The following DOCK4 variants were observed in gnomAD, a reference collection of about 807,000 sequenced individuals.
DOCK4 encodes dedicator of cytokinesis 4.
Under a neutral mutation model 268.1 loss-of-function variants are expected in DOCK4, and 97 were observed. The observed-to-expected ratio is 0.36, with a 90% CI of 0.31 to 0.43. The LOEUF (loss-of-function observed/expected upper bound fraction) is 0.43. DOCK4 is among the 20% of genes least tolerant of loss of function. The pLI, the probability that DOCK4 is intolerant of heterozygous loss-of-function variation, is 1.00. For synonymous variants in DOCK4, 954 were observed against 887.2 expected (o/e 1.08, Z -1.34); for missense variants, 2,145 against 2,455.7 (o/e 0.87, Z 2.67).
At chr7:112,142,709 C>T (rs141947309) in intron 1 of DOCK4, among the ~76,000 whole-genome samples, 1 of 151,860 alleles carries the variant, frequency 6.6e-6, no homozygotes, top group African/African-American at 2.4e-5. Context: ...TAAACAGGAT[C>T]CTGAATTTTG....
chr7:111,809,491 T>G (rs1349135598), intron 28 of DOCK4, 90 bp from the exon 29 acceptor site: 1 of 1,103,010 alleles, frequency 9.1e-7, no homozygotes, highest in East Asian at 2.6e-5. Flanking sequence ...GCTTCAAAAG[T>G]GGTTGAGGGT....
intron 34 of DOCK4, 85 bp from the exon 35 acceptor site, chr7:111,783,009 AGAAAG>A: frequency 8.6e-7 from 1 of 1,161,800 alleles, no homozygotes; most frequent in Admixed American, 2.4e-5. Flanking sequence ...AAAAAAAGAA[AGAAAG>A]AAAGAAAAAA....
At chr7:111,820,781 G>A (rs975396787) in intron 27 of DOCK4, 1 of 152,098 alleles carries the variant, frequency 6.6e-6, no homozygotes, top group Non-Finnish European at 1.5e-5. Context: ...CATGAGTCAG[G>A]CAGAATGACC....
In DOCK4 at chr7:111,739,458, C is replaced by G; in HGVS notation, c.5060G>C (p.Ser1687Thr). Residue 1687 changes from serine to threonine, a missense_variant, in exon 48 of 53, where the codon AGC (serine) becomes ACC (threonine). This residue lies in a region of DOCK4 where 547 missense variants were observed against 469.0 expected (regional missense o/e 1.17). Coordinates refer to ENST00000428084, the MANE Select transcript of DOCK4 (RefSeq NM_001363540.2). The stretch of plus-strand genomic sequence containing the variant: ...TGAAGCCGAGTGAGTAGAACTCAAG[C>G]TTGAGGTAGATGGACTTGGCTGGAA... ...FNMQPSPSTSSLSSTHSASPN... is the reference protein window; with the variant it reads ...FNMQPSPSTSTLSSTHSASPN... The G allele has an allele frequency of 3.2e-6, 5 of 1,570,176 alleles. No homozygotes were observed. Among genetic ancestry groups the G allele is most frequent in the Non-Finnish European group, 4.3e-6 (5 of 1,157,666 alleles).
In DOCK4 at chr7:111,864,243, T is replaced by TAA. The variant is rs11423422; in HGVS notation, c.2281-681_2281-680dup. Among the ~76,000 whole-genome samples, 1,257 of 140,832 alleles carry TAA rather than the reference T, an allele frequency of 8.9e-3. 23 individuals carry two copies. The highest frequency in any genetic ancestry group is 0.029 in the African/African-American group (1,131 of 38,830). 92.4% of individuals were successfully genotyped at this position (140,832 alleles called of 152,430 possible). ...ACAGACTAAGAACAATATTTTTATG[T>TAA]AAAAAAAAAAAAAACCCGATCATCA... On this transcript the variant is annotated intron_variant, in intron 22 of 52. Transcript: ENST00000428084.
At chr7:111,732,362 T>C (rs779166025) in intron 51 of DOCK4, 75 bp from the exon 52 acceptor site, 52 of 1,493,472 alleles carry the variant, frequency 3.5e-5, no homozygotes, top group Non-Finnish European at 4.5e-5. Context: ...GCCCTCTGTG[T>C]TACAAACCCA....
chr7:112,038,893 C>G (rs989815748), intron 1 of DOCK4, among the ~76,000 whole-genome samples: 2 of 152,172 alleles, frequency 1.3e-5, no homozygotes, highest in African/African-American at 4.8e-5. Flanking sequence ...AAAAAGGCAA[C>G]ATATTAGACC....
At chr7:111,863,204 C>A in intron 23 of DOCK4, 168 bp downstream of exon 23, 1 of 665,644 alleles carries the variant, frequency 1.5e-6, no homozygotes, top group Non-Finnish European at 2.5e-6. Flanking sequence ...GTTTTAATTG[C>A]CATACTTTTG....
chr7:111,960,036 AT>A (rs1397063977), intron 8 of DOCK4, among the ~76,000 whole-genome samples: 1 of 152,020 alleles, frequency 6.6e-6, no homozygotes, highest in African/African-American at 2.4e-5. Context: ...TTATTTATAT[AT>A]TTTTAACATT....
intron 35 of DOCK4, among the ~76,000 whole-genome samples, chr7:111,781,050 A>C (rs751993975): frequency 1.3e-5 from 2 of 152,218 alleles, no homozygotes; most frequent in Non-Finnish European, 2.9e-5. Context: ...AATACATTAA[A>C]GGCAGAGTAT....
At chr7:111,806,295 T>C (rs1365103478) in intron 30 of DOCK4, among the ~76,000 whole-genome samples, 1 of 152,220 alleles carries the variant, frequency 6.6e-6, no homozygotes, top group African/African-American at 2.4e-5. Flanking sequence ...GGTATCAAAA[T>C]GTCACTCTGA....
chr7:111,953,985 A>T (rs1796257533), intron 8 of DOCK4, among the ~76,000 whole-genome samples: 1 of 152,226 alleles, frequency 6.6e-6, no homozygotes, highest in South Asian at 2.1e-4. Flanking sequence ...TCTTGAAGAC[A>T]CTATATAAGC....
At chr7:111,825,385 C>T (rs1293838134) in intron 26 of DOCK4, among the ~76,000 whole-genome samples, 1 of 144,418 alleles carries the variant, frequency 6.9e-6, no homozygotes, top group Non-Finnish European at 1.5e-5. Flanking sequence ...ACATTTCCCT[C>T]CCTCCCACCC....
chr7:111,897,927 C>T (rs1473162139), intron 15 of DOCK4, among the ~76,000 whole-genome samples: 1 of 152,152 alleles, frequency 6.6e-6, no homozygotes, highest in African/African-American at 2.4e-5. Flanking sequence ...GACTTTTCTC[C>T]TTCTTTCAGA....
Position 111,994,228 on chromosome 7 carries a change from T to C in DOCK4, c.222A>G (p.Gln74=). Residue 74 remains glutamine, a synonymous_variant, in exon 5 of 53, where the codon CAA becomes CAG. Transcript: ENST00000428084. ...LKNACVKNKG[Q]FEMVIPTEDS... is the part of the protein sequence containing the mutation. ...CTTCAGTGGGAATAACCATTTCAAA[T>C]TGTCTGTGAAATTAAAAAAGAAAAA... The C allele has an allele frequency of 1.3e-5, 21 of 1,575,882 alleles. No homozygotes were observed. The highest frequency in any genetic ancestry group is 1.8e-5 in the Non-Finnish European group (21 of 1,157,688).
At chr7:111,972,672 C>A (rs1312275909) in intron 8 of DOCK4, among the ~76,000 whole-genome samples, 2 of 151,632 alleles carry the variant, frequency 1.3e-5, no homozygotes, top group Non-Finnish European at 2.9e-5. Flanking sequence ...TACATTCTAC[C>A]CTTTTTTACG....
intron 38 of DOCK4, among the ~76,000 whole-genome samples, 153 bp from the exon 39 acceptor site, chr7:111,765,375 CG>C (rs879299415): frequency 1.3e-5 from 2 of 152,014 alleles, no homozygotes; most frequent in Non-Finnish European, 2.9e-5. Context: ...TGCTTTAAGT[CG>C]GGGATTGGCA....
In DOCK4 at chr7:112,206,328, TC is replaced by T; in HGVS notation, c.-191del. On this transcript the variant is annotated 5_prime_UTR_variant, in exon 1 of 53. Transcript: ENST00000428084. ...GTTGACACTGCGCCGCCCGCAGCTC[TC>T]CCGGCGGCGGCTGCTCACAGTCCTC... is the stretch of plus-strand genomic sequence containing the variant. 3 of 624,126 alleles carry T rather than the reference TC, an allele frequency of 4.8e-6. No homozygotes were observed. The highest frequency in any genetic ancestry group is 2.9e-5 in the East Asian group (1 of 34,320). The allele number at this position is 624,126 out of a possible 1,614,324, so 38.7% of individuals were successfully genotyped here.
intron 51 of DOCK4, 181 bp from the exon 52 acceptor site, chr7:111,732,468 A>G (rs2133373895): frequency 1.6e-6 from 1 of 624,880 alleles, no homozygotes; most frequent in Admixed American, 2.8e-5. Context: ...GGTTCTCACA[A>G]AGGGTGGCAC....
Sources: gnomAD v4.1 joint callset for allele counts (sites outside exome capture counted in the v4.1 genomes callset) on GRCh38, gnomAD v4.1.1 for gene constraint, gnomAD v4.1.1 regional missense constraint, MANE v1.5 for transcripts, NCBI Gene and HGNC (gene_info 2026-07-23, HGNC 2026-07-21) for gene names.